WDR3: variants seen among roughly 807,000 people sequenced by gnomAD.
WDR3 encodes the protein WD repeat domain 3.
In WDR3, 81 loss-of-function variants were observed where a neutral mutation model predicts 123.7. That is an observed-to-expected ratio of 0.65 (90% CI 0.55 to 0.79). WDR3 has a LOEUF of 0.79. Among genes scored for constraint, WDR3 ranks in the 30% least tolerant of loss-of-function variants. WDR3 has a pLI of 0.00. For synonymous variants in WDR3, 390 were observed against 388.8 expected (o/e 1.00, Z -0.04); for missense variants, 1,027 against 1,123.2 (o/e 0.91, Z 1.22).
At chr1:117,933,262 T>G in intron 1 of WDR3, 26 bp from the exon 2 acceptor site, 44 of 1,588,064 alleles carry the variant, frequency 2.8e-5, no homozygotes, top group African/African-American at 4.0e-5. Flanking sequence ...CCCAAGGAGC[T>G]GAGTTTTCTT....
rs993323405 is a variant in WDR3 at position 117,964,934 on chromosome 1, G to A, written c.*5487G>A. ...CTTTTGCCCTGTTTTGGATATTGCA[G>A]TTTCAATCACTTCTACTCATTCATA... On this transcript the variant is annotated 3_prime_UTR_variant, in exon 27 of 27. Coordinates refer to ENST00000349139, the MANE Select transcript of WDR3 (RefSeq NM_006784.3). The A allele has an allele frequency of 2.6e-5, 4 of 152,084 alleles. No individual in the cohort carries two copies. The highest frequency in any genetic ancestry group is 2.6e-4 in the Admixed American group (4 of 15,278). 9.4% of individuals were successfully genotyped at this position (152,084 alleles called of 1,614,324 possible). A position where few individuals can be genotyped will look rare whatever the true frequency, so the allele number is the denominator to read the frequency against.
chr1:117,952,218 C>A, intron 17 of WDR3, 79 bp from the exon 18 acceptor site: 1 of 1,450,220 alleles, frequency 6.9e-7, no homozygotes, highest in Non-Finnish European at 9.5e-7. Flanking sequence ...ACTAGCTAGT[C>A]AAAAGCTATT....
Position 117,964,015 on chromosome 1 carries a change from C to A in WDR3, c.*4568C>A. Reference sequence around the variant, plus strand: ...ATAAACCTAAATAACATTTTAGAATCATAGAATTTCTTCTCTGGCAACATC... The same window carrying A: ...ATAAACCTAAATAACATTTTAGAATAATAGAATTTCTTCTCTGGCAACATC... On this transcript the variant is annotated 3_prime_UTR_variant, in exon 27 of 27. Transcript: ENST00000349139. The A allele has an allele frequency of 6.7e-7, 1 of 1,483,122 alleles. No individual in the cohort carries two copies. The highest frequency in any genetic ancestry group is 9.1e-7 in the Non-Finnish European group (1 of 1,096,300). The allele number at this position is 1,483,122 out of a possible 1,614,324, so 91.9% of individuals were successfully genotyped here. A position where few individuals can be genotyped will look rare whatever the true frequency, so the allele number is the denominator to read the frequency against.
intron 2 of WDR3, 119 bp downstream of exon 2, chr1:117,933,609 A>G: frequency 7.3e-7 from 1 of 1,375,770 alleles, no homozygotes; most frequent in Non-Finnish European, 1.0e-6. Flanking sequence ...TGCCCTTAGA[A>G]GAAAAATCTT....
Position 117,963,906 on chromosome 1 carries a change from G to A in WDR3, c.*4459G>A. 3.7e-6 allele frequency: 6 copies of A among 1,613,824 alleles called. No individual in the cohort carries two copies. The highest frequency in any genetic ancestry group is 5.1e-6 in the Non-Finnish European group (6 of 1,179,836). On this transcript the variant is annotated 3_prime_UTR_variant, in exon 27 of 27. Transcript: ENST00000349139. ...TCTTTTCCCTGGGGAAAGTCTTTTG[G>A]TCGTTTATCATAATTGCTGCTTGTT...
chr1:117,938,063 C>T (rs1178605943), intron 4 of WDR3, among the ~76,000 whole-genome samples: 1 of 152,126 alleles, frequency 6.6e-6, no homozygotes, highest in Non-Finnish European at 1.5e-5. Flanking sequence ...GGAGTTAATA[C>T]TTAGAAACTT....
chr1:117,966,542 C>A lies in WDR3; in HGVS notation c.*7095C>A. The A allele has an allele frequency of 7.3e-7, 1 of 1,363,612 alleles. No individual in the cohort carries two copies. Among genetic ancestry groups the A allele is most frequent in the Non-Finnish European group, 9.7e-7 (1 of 1,028,216 alleles). The allele number at this position is 1,363,612 out of a possible 1,614,324, so 84.5% of individuals were successfully genotyped here. Reference sequence around the variant, plus strand: ...TAAAGTAGAGATGCATTTTGACTTCCATGTTTTCCTCACTCGTGTAATTTC... The same window carrying A: ...TAAAGTAGAGATGCATTTTGACTTCAATGTTTTCCTCACTCGTGTAATTTC... On this transcript the variant is annotated 3_prime_UTR_variant, in exon 27 of 27. Coordinates refer to ENST00000349139, the MANE Select transcript of WDR3 (RefSeq NM_006784.3).
At chr1:117,942,319 A>G in intron 9 of WDR3, 118 bp from the exon 10 acceptor site, 1 of 780,940 alleles carries the variant, frequency 1.3e-6, no homozygotes, top group Admixed American at 2.4e-5. Flanking sequence ...TGTGTGGTTA[A>G]GTGACTTTTC....
intron 18 of WDR3, 33 bp from the exon 19 acceptor site, chr1:117,952,495 T>C (rs1226652698): frequency 6.3e-7 from 1 of 1,597,840 alleles, no homozygotes; most frequent in Non-Finnish European, 8.5e-7. Context: ...GGTCAATGAA[T>C]GAGGTATTCT....
intron 12 of WDR3, among the ~76,000 whole-genome samples, chr1:117,947,932 C>T (rs1326619102): frequency 6.6e-6 from 1 of 151,938 alleles, no homozygotes; most frequent in Non-Finnish European, 1.5e-5. Flanking sequence ...TAGGTAGATC[C>T]CATTTCTTAT....
chr1:117,950,249 G>GTAC, intron 15 of WDR3, 119 bp downstream of exon 15: 2 of 1,206,928 alleles, frequency 1.7e-6, no homozygotes, highest in Non-Finnish European at 2.3e-6. Context: ...TTCTAAAAAT[G>GTAC]TGTGTGTGAA....
At chr1:117,952,748 AC>A in intron 19 of WDR3, 86 bp downstream of exon 19, 1 of 1,527,484 alleles carries the variant, frequency 6.5e-7, no homozygotes, top group African/African-American at 1.4e-5. Flanking sequence ...GTGCAGTTAC[AC>A]CTGATGCATT....
intron 11 of WDR3, among the ~76,000 whole-genome samples, chr1:117,945,141 T>C (rs1016220296): frequency 1.3e-5 from 2 of 152,234 alleles, no homozygotes; most frequent in Admixed American, 6.5e-5. Context: ...ATCTGGGTTA[T>C]TGTAAAGCCC....
intron 1 of WDR3, among the ~76,000 whole-genome samples, chr1:117,933,050 A>C (rs1311106781): frequency 1.3e-5 from 2 of 151,756 alleles, no homozygotes. Context: ...AAAAAAAAAA[A>C]AAAATTAGCC....
At position 117,963,863 on chromosome 1, in the gene WDR3, C is replaced by G; in HGVS notation, c.*4416C>G. ...TGTGGAGGAATAAATTGTAGAAGTTCTCTGGACCATTGGATTTTCTTTTCC... is the reference window on the plus strand; with the variant it reads ...TGTGGAGGAATAAATTGTAGAAGTTGTCTGGACCATTGGATTTTCTTTTCC... On this transcript the variant is annotated 3_prime_UTR_variant, in exon 27 of 27. Transcript: ENST00000349139. The G allele has an allele frequency of 1.2e-6, 2 of 1,613,922 alleles. No homozygotes were observed. Among genetic ancestry groups the G allele is most frequent in the Non-Finnish European group, 1.7e-6 (2 of 1,179,848 alleles).
At chr1:117,945,051 A>T (rs1651320514) in intron 11 of WDR3, among the ~76,000 whole-genome samples, 1 of 152,076 alleles carries the variant, frequency 6.6e-6, no homozygotes, top group Non-Finnish European at 1.5e-5. Context: ...TATCAGCTCT[A>T]CCTTCAAAAG....
At chr1:117,953,218 A>G (rs1651713962) in intron 20 of WDR3, among the ~76,000 whole-genome samples, 2 of 152,140 alleles carry the variant, frequency 1.3e-5, no homozygotes, top group South Asian at 4.1e-4. Flanking sequence ...TTATTCTGTC[A>G]ATTGAGACTT....
chr1:117,933,556 TG>T lies in WDR3; in HGVS notation c.171+73del, dbSNP rs201202543. ...TTTGAGGATGGAGAGGTAGTAGAAGTGGGGGGGCTCTGATTTATTTATCATG... is the reference window on the plus strand; with the variant it reads ...TTTGAGGATGGAGAGGTAGTAGAAGTGGGGGGCTCTGATTTATTTATCATG... On this transcript the variant is annotated intron_variant, in intron 2 of 26. Transcript: ENST00000349139. 1.5e-3 allele frequency: 2,427 copies of T among 1,593,092 alleles called. 23 individuals are homozygous for T. In the African/African-American group the frequency reaches 0.029, roughly 19 times the overall value.
Position 117,957,162 on chromosome 1 carries a change from G to T in WDR3, c.2548G>T (p.Glu850Ter). 2 of 1,612,240 alleles carry T rather than the reference G, an allele frequency of 1.2e-6. No individual in the cohort carries two copies. Among genetic ancestry groups the T allele is most frequent in the African/African-American group, 2.7e-5 (2 of 74,902 alleles). Residue 850 changes from glutamate (E) to a stop codon, truncating the protein, a stop_gained, in exon 25 of 27, where the codon GAA (glutamate) becomes TAA (stop). Coordinates refer to ENST00000349139, the MANE Select transcript of WDR3 (RefSeq NM_006784.3). LOFTEE classifies it high-confidence loss of function. ...ATTCATTCAGCTGGGCTCTGATGTT[G>T]AACTTATATGCCGGTGCCTCTTCTT... ...NEFIQLGSDV[E>*]LICRCLFFLL...
Sources: gnomAD v4.1 joint callset for allele counts (sites outside exome capture counted in the v4.1 genomes callset) on GRCh38, gnomAD v4.1.1 for gene constraint, MANE v1.5 for transcripts, NCBI Gene and HGNC (gene_info 2026-07-23, HGNC 2026-07-21) for gene names.